MAP3K5: variants seen among roughly 807,000 people sequenced by gnomAD.
MAP3K5 encodes the protein ASK-1.
Under a neutral mutation model 158.7 loss-of-function variants are expected in MAP3K5, and 56 were observed. The observed-to-expected ratio is 0.35, with a 90% CI of 0.28 to 0.44. The LOEUF is 0.44. MAP3K5 is among the 20% of genes least tolerant of loss of function. The pLI is 1.00. For synonymous variants in MAP3K5, 579 were observed against 601.7 expected (o/e 0.96, Z 0.55); for missense variants, 1,294 against 1,674.8 (o/e 0.77, Z 3.97).
chr6:136,624,024 T>C (rs1386653796), intron 14 of MAP3K5, among the ~76,000 whole-genome samples: 1 of 152,074 alleles, frequency 6.6e-6, no homozygotes, highest in Non-Finnish European at 1.5e-5. Flanking sequence ...CAAAACCCTG[T>C]CTCTACTGAA....
Position 136,622,844 on chromosome 6 carries a change from G to A in MAP3K5, c.2150+4C>T, listed in dbSNP as rs763037462. The A allele has an allele frequency of 3.3e-5, 53 of 1,599,080 alleles. No individual in the cohort carries two copies. The highest frequency in any genetic ancestry group is 2.8e-5 in the Non-Finnish European group (33 of 1,170,478). On this transcript the variant is annotated splice_donor_region_variant and intron_variant, in intron 15 of 29. Coordinates refer to ENST00000359015, the MANE Select transcript of MAP3K5 (RefSeq NM_005923.4). ...ACAGCTTTTAGTAGCTACAATTACT[G>A]TACCTGCTGTCTCTCTCTGGGATTT...
At chr6:136,712,329 C>T (rs1209710112) in intron 2 of MAP3K5, among the ~76,000 whole-genome samples, 1 of 151,776 alleles carries the variant, frequency 6.6e-6, no homozygotes, top group Non-Finnish European at 1.5e-5. Context: ...ACTACAGGCA[C>T]GTACCACCAT....
In MAP3K5 at chr6:136,737,037, G is replaced by GTGTATATATATATATATATATATATA. The variant is rs759947051; in HGVS notation, c.449-16449_449-16448insTATATATATATATATATATATATACA. On this transcript the variant is annotated intron_variant, in intron 1 of 29. Coordinates refer to ENST00000359015, the MANE Select transcript of MAP3K5 (RefSeq NM_005923.4). ...TAATTTTACATATATATATGTGTGT[G>GTGTATATATATATATATATATATATA]TATATATATATATATATATAAACTT... Among the ~76,000 whole-genome samples the GTGTATATATATATATATATATATATA allele has an allele frequency of 6.2e-3, 780 of 126,554 alleles. 28 individuals are homozygous for GTGTATATATATATATATATATATATA. Among genetic ancestry groups the GTGTATATATATATATATATATATATA allele is most frequent in the African/African-American group, 0.028 (728 of 26,054 alleles). 83.0% of individuals were successfully genotyped at this position (126,554 alleles called of 152,430 possible). A position where few individuals can be genotyped will look rare whatever the true frequency, so the allele number is the denominator to read the frequency against.
At chr6:136,752,962 C>T (rs746368186) in intron 1 of MAP3K5, among the ~76,000 whole-genome samples, 7 of 152,170 alleles carry the variant, frequency 4.6e-5, no homozygotes, top group Non-Finnish European at 7.4e-5. Context: ...ACCACTCAGG[C>T]CTGGTTACCA....
intron 1 of MAP3K5, among the ~76,000 whole-genome samples, chr6:136,729,385 AC>A (rs1261648223): frequency 2.0e-5 from 3 of 152,240 alleles, no homozygotes; most frequent in Non-Finnish European, 4.4e-5. Context: ...ATTGGGAATA[AC>A]AACCTAGGTA....
chr6:136,693,546 T>C (rs897327983), intron 7 of MAP3K5, among the ~76,000 whole-genome samples: 4 of 151,798 alleles, frequency 2.6e-5, no homozygotes, highest in Admixed American at 2.0e-4. Flanking sequence ...ACTGTCTTTA[T>C]ATAAATTTTT....
At chr6:136,781,098 C>G (rs1340532769) in intron 1 of MAP3K5, among the ~76,000 whole-genome samples, 3 of 152,208 alleles carry the variant, frequency 2.0e-5, no homozygotes, top group African/African-American at 4.8e-5. Context: ...CCAGAGCCAG[C>G]ACATCTCAGG....
Position 136,641,589 on chromosome 6 carries a change from C to T in MAP3K5, c.1838+931G>A, listed in dbSNP as rs368302996. On this transcript the variant is annotated intron_variant, in intron 12 of 29. Coordinates refer to ENST00000359015, the MANE Select transcript of MAP3K5 (RefSeq NM_005923.4). ...CATTGTGACAGCAGTCAGAACTGAA[C>T]CAAACTGAAGTTCACCACTGTAATC... is the stretch of plus-strand genomic sequence containing the variant. Among the ~76,000 whole-genome samples the T allele has an allele frequency of 2.3e-4, 35 of 151,364 alleles. 3 individuals are homozygous for T. The highest frequency in any genetic ancestry group is 1.1e-3 in the Admixed American group (17 of 15,142).
rs79748423 is a variant in MAP3K5, at chr6:136,638,979, A to G, written c.1934+564T>C. Among the ~76,000 whole-genome samples the G allele has an allele frequency of 7.6e-3, 1,154 of 152,306 alleles. 16 individuals carry two copies. Among genetic ancestry groups the G allele is most frequent in the African/African-American group, 0.025 (1,046 of 41,558 alleles). On this transcript the variant is annotated intron_variant, in intron 13 of 29. Transcript: ENST00000359015. ...AATTATTAGCCCAAGAGAAACATACAATGGAGAAAAACACAAACATACAAT... is the reference window on the plus strand; with the variant it reads ...AATTATTAGCCCAAGAGAAACATACGATGGAGAAAAACACAAACATACAAT...
intron 25 of MAP3K5, among the ~76,000 whole-genome samples, chr6:136,574,961 T>TTA (rs1774542159): frequency 6.6e-6 from 1 of 152,058 alleles, no homozygotes; most frequent in South Asian, 2.1e-4. Flanking sequence ...AGTGCTGGGA[T>TTA]TATAGGCGTG....
chr6:136,557,697 C>T lies in MAP3K5; in HGVS notation c.*61G>A, dbSNP rs1043704233. 3.2e-6 allele frequency: 4 copies of T among 1,244,028 alleles called. No homozygotes were observed. Among genetic ancestry groups the T allele is most frequent in the Non-Finnish European group, 4.7e-6 (4 of 843,862 alleles). The allele number at this position is 1,244,028 out of a possible 1,614,324, so 77.1% of individuals were successfully genotyped here. ...CCTCTCCCTTCGATTTTCCCACCCC[C>T]AAGAAGATCAGCTCTGTATTAATTT... On this transcript the variant is annotated 3_prime_UTR_variant, in exon 30 of 30. Coordinates refer to ENST00000359015, the MANE Select transcript of MAP3K5 (RefSeq NM_005923.4).
chr6:136,737,704 C>A (rs567849585), intron 1 of MAP3K5, among the ~76,000 whole-genome samples: 1 of 152,356 alleles, frequency 6.6e-6, no homozygotes, highest in South Asian at 2.1e-4. Context: ...ATTGTCTATA[C>A]TGTGCAAAGT....
chr6:136,727,888 G>C (rs1277186336), intron 1 of MAP3K5, among the ~76,000 whole-genome samples: 4 of 151,904 alleles, frequency 2.6e-5, no homozygotes, highest in Non-Finnish European at 4.4e-5. Context: ...GGTGAACCCA[G>C]GAGGCGCAGC....
intron 8 of MAP3K5, among the ~76,000 whole-genome samples, chr6:136,662,757 G>A (rs564515461): frequency 3.9e-5 from 6 of 152,214 alleles, no homozygotes; most frequent in East Asian, 1.9e-4. Flanking sequence ...AGCACAATTC[G>A]TGATGTTCAG....
intron 14 of MAP3K5, chr6:136,636,976 C>T: frequency 2.9e-6 from 3 of 1,040,458 alleles, no homozygotes; most frequent in Non-Finnish European, 2.3e-6. Context: ...GTGCTATCAA[C>T]CAGAATCTTC....
chr6:136,721,011 T>C (rs976810547), intron 1 of MAP3K5, among the ~76,000 whole-genome samples: 1 of 152,092 alleles, frequency 6.6e-6, no homozygotes, highest in African/African-American at 2.4e-5. Flanking sequence ...ACTCCCGGCC[T>C]CAAATAATCC....
intron 14 of MAP3K5, among the ~76,000 whole-genome samples, chr6:136,633,256 G>A (rs1777458496): frequency 6.6e-6 from 1 of 151,876 alleles, no homozygotes; most frequent in African/African-American, 2.4e-5. Flanking sequence ...AAAATTAGCT[G>A]GGCATGATGG....
rs566028679 is a variant in MAP3K5, at chr6:136,772,363, A to G, written c.448+19347T>C. On this transcript the variant is annotated intron_variant, in intron 1 of 29. Coordinates refer to ENST00000359015, the MANE Select transcript of MAP3K5 (RefSeq NM_005923.4). ...AGCATGGCACAGAAGACCCTGTAGA[A>G]GATATCATCAGAAACAGCAGTCAAT... is the stretch of plus-strand genomic sequence containing the variant. Among the ~76,000 whole-genome samples the G allele has an allele frequency of 2.0e-5, 3 of 152,330 alleles. No individual in the cohort carries two copies. In the South Asian group the frequency reaches 6.2e-4, roughly 32 times the overall value.
chr6:136,780,148 G>A (rs1056245621), intron 1 of MAP3K5, among the ~76,000 whole-genome samples: 6 of 152,302 alleles, frequency 3.9e-5, no homozygotes, highest in African/African-American at 1.4e-4. Context: ...GATTTTAAAG[G>A]GGTGTGTACC....
Sources: gnomAD v4.1 joint callset for allele counts (sites outside exome capture counted in the v4.1 genomes callset) on GRCh38, gnomAD v4.1.1 for gene constraint, MANE v1.5 for transcripts, NCBI Gene and HGNC (gene_info 2026-07-23, HGNC 2026-07-21) for gene names.